The following KLF9 variants were observed in gnomAD, a reference collection of about 807,000 sequenced individuals.
KLF9 encodes KLF transcription factor 9.
KLF9 carries 2 observed loss-of-function variants against 17.3 expected under a neutral mutation model. The ratio of observed to expected loss-of-function variants is 0.12; its 90% CI spans 0.05 to 0.36. KLF9 has a LOEUF of 0.36. KLF9 is among the 10% of genes least tolerant of loss of function. The pLI, the probability that KLF9 is intolerant of heterozygous loss-of-function variation, is 1.00. For missense variants in KLF9, 226 were observed against 333.2 expected, an observed-to-expected ratio of 0.68 and a Z score of 2.51; for synonymous variants, 138 against 139.2, an observed-to-expected ratio of 0.99 and a Z score of 0.06.
In KLF9 at chr9:70,413,542, C is replaced by T; in HGVS notation, c.-179G>A. 1 of 504,770 alleles carries T rather than the reference C, an allele frequency of 2.0e-6. No homozygotes were observed. The highest frequency in any genetic ancestry group is 2.9e-6 in the Non-Finnish European group (1 of 346,636). 31.3% of individuals were successfully genotyped at this position (504,770 alleles called of 1,614,324 possible). On this transcript the variant is annotated 5_prime_UTR_variant, in exon 1 of 2. Transcript: ENST00000377126. The surrounding 1 kb of genome is among the most constrained non-coding windows in gnomAD (Gnocchi z 5.6). ...CAGGAGCGCCGAGGCGACCTCAGCC[C>T]CTCATCTTTACGTAACCGGCAGCGC... is the stretch of plus-strand genomic sequence containing the variant.
rs142935882 is a variant in KLF9 at position 70,404,601 on chromosome 9, T to C, written c.505+8258A>G. Among the ~76,000 whole-genome samples the C allele has an allele frequency of 5.7e-3, 861 of 151,996 alleles. 2 individuals carry two copies. The highest frequency in any genetic ancestry group is 9.0e-3 in the Non-Finnish European group (612 of 67,988). ...GCCTCGGTGACAGAGTGAGACTCAGTCTCAAAATCATAATAATAATAATAA... is the reference window on the plus strand; with the variant it reads ...GCCTCGGTGACAGAGTGAGACTCAGCCTCAAAATCATAATAATAATAATAA... On this transcript the variant is annotated intron_variant, in intron 1 of 1. Transcript: ENST00000377126.
In KLF9 at chr9:70,414,233, C is replaced by G. The variant is rs1272540317; in HGVS notation, c.-870G>C. 6.6e-6 allele frequency: 1 copy of G among 152,270 alleles called. No homozygotes were observed. The highest frequency in any genetic ancestry group is 2.4e-5 in the African/African-American group (1 of 41,460). 9.4% of individuals were successfully genotyped at this position (152,270 alleles called of 1,614,324 possible). A position where few individuals can be genotyped will look rare whatever the true frequency, so the allele number is the denominator to read the frequency against. On this transcript the variant is annotated 5_prime_UTR_variant, in exon 1 of 2. Transcript: ENST00000377126. ...TTCGGAGTGCCTCGCGGTCCCGTGG[C>G]CGGTCCGGGCCTCCTGGCTCACGTT... is the stretch of plus-strand genomic sequence containing the variant.
At position 70,386,671 on chromosome 9, in the gene KLF9, C is replaced by G. The variant is rs1488079535; in HGVS notation, c.*1105G>C. ...ATGCACACATTCAAATAAAACCCAA[C>G]AGAGTCAAAAGCTCTCTCCCCTAGT... On this transcript the variant is annotated 3_prime_UTR_variant, in exon 2 of 2. Transcript: ENST00000377126. 3 of 152,592 alleles carry G rather than the reference C, an allele frequency of 2.0e-5. No individual in the cohort carries two copies. The highest frequency in any genetic ancestry group is 4.4e-5 in the Non-Finnish European group (3 of 68,044). 9.5% of individuals were successfully genotyped at this position (152,592 alleles called of 1,614,324 possible). A position where few individuals can be genotyped will look rare whatever the true frequency, so the allele number is the denominator to read the frequency against.
intron 1 of KLF9, among the ~76,000 whole-genome samples, chr9:70,399,147 G>A (rs1246680855): frequency 6.6e-6 from 1 of 152,274 alleles, no homozygotes; most frequent in East Asian, 1.9e-4. Context: ...GAGCTGTCTT[G>A]AAGTCTCAGT....
chr9:70,392,537 T>G (rs1386991289), intron 1 of KLF9, among the ~76,000 whole-genome samples: 1 of 152,186 alleles, frequency 6.6e-6, no homozygotes, highest in East Asian at 1.9e-4. Flanking sequence ...GCATATAAGT[T>G]AATGACAGTC....
intron 1 of KLF9, among the ~76,000 whole-genome samples, chr9:70,410,944 A>G (rs1456414768): frequency 1.3e-5 from 2 of 152,158 alleles, no homozygotes; most frequent in Non-Finnish European, 2.9e-5. Context: ...TGCAATCACC[A>G]CATCCCTAGG....
In KLF9 at chr9:70,387,956, G is replaced by C; in HGVS notation, c.555C>G (p.Ser185=). 1.2e-6 allele frequency: 2 copies of C among 1,614,030 alleles called. No homozygotes were observed. The highest frequency in any genetic ancestry group is 1.7e-6 in the Non-Finnish European group (2 of 1,180,022). Residue 185 remains serine, a synonymous_variant, in exon 2 of 2, where the codon TCC becomes TCG. Coordinates refer to ENST00000377126, the MANE Select transcript of KLF9 (RefSeq NM_001206.4). ...AGTGGCGGGTCAGCTCGTCTGAGCGGGAGAACTTTTTAAGGCAGTCTGGCC... is the reference window on the plus strand; with the variant it reads ...AGTGGCGGGTCAGCTCGTCTGAGCGCGAGAACTTTTTAAGGCAGTCTGGCC... ...CTWPDCLKKF[S]RSDELTRHYR...
rs1017269900 is a variant in KLF9 at position 70,385,211 on chromosome 9, T to C, written c.*2565A>G. ...AATATAAAAAGTAATTGTTTCATAG[T>C]TTTAGTGTTCAATGAACTCTAGTAG... On this transcript the variant is annotated 3_prime_UTR_variant, in exon 2 of 2. Coordinates refer to ENST00000377126, the MANE Select transcript of KLF9 (RefSeq NM_001206.4). The C allele has an allele frequency of 6.6e-6, 1 of 152,660 alleles. No homozygotes were observed. The highest frequency in any genetic ancestry group is 2.4e-5 in the African/African-American group (1 of 41,468). 9.5% of individuals were successfully genotyped at this position (152,660 alleles called of 1,614,324 possible). A position where few individuals can be genotyped will look rare whatever the true frequency, so the allele number is the denominator to read the frequency against.
intron 1 of KLF9, among the ~76,000 whole-genome samples, chr9:70,410,051 G>A (rs1283331624): frequency 6.6e-6 from 1 of 152,182 alleles, no homozygotes; most frequent in East Asian, 1.9e-4. Context: ...CTACCTTGTG[G>A]ATTAAGAAAG....
chr9:70,396,688 A>G (rs924333783), intron 1 of KLF9, among the ~76,000 whole-genome samples: 2 of 152,350 alleles, frequency 1.3e-5, no homozygotes, highest in African/African-American at 4.8e-5. Flanking sequence ...AACAATTACT[A>G]TCTACCAGTG....
At position 70,412,094 on chromosome 9, in the gene KLF9, A is replaced by G. The variant is rs559398953; in HGVS notation, c.505+765T>C. On this transcript the variant is annotated intron_variant, in intron 1 of 1. Coordinates refer to ENST00000377126, the MANE Select transcript of KLF9 (RefSeq NM_001206.4). The stretch of plus-strand genomic sequence containing the variant: ...TCCCTGAGGCCTCCAGAACCGCCCA[A>G]CATTCATTACCAAGCCTTGACCTCC... Among the ~76,000 whole-genome samples, 60 of 146,866 alleles carry G rather than the reference A, an allele frequency of 4.1e-4. No individual in the cohort carries two copies. In the South Asian group the frequency reaches 0.012, roughly 30 times the overall value.
At chr9:70,401,299 A>G (rs529669066) in intron 1 of KLF9, among the ~76,000 whole-genome samples, 1 of 152,168 alleles carries the variant, frequency 6.6e-6, no homozygotes, top group Admixed American at 6.5e-5. Context: ...ATAAGCCGTG[A>G]TTGCACCACT....
intron 1 of KLF9, among the ~76,000 whole-genome samples, chr9:70,390,583 G>A (rs1172127383): frequency 6.6e-6 from 1 of 151,968 alleles, no homozygotes; most frequent in East Asian, 1.9e-4. Flanking sequence ...TGTCATGTAT[G>A]ACTTTTGTCC....
intron 1 of KLF9, among the ~76,000 whole-genome samples, chr9:70,394,402 A>C (rs2037170443): frequency 6.6e-6 from 1 of 152,168 alleles, no homozygotes; most frequent in South Asian, 2.1e-4. Flanking sequence ...TCCCTAATAA[A>C]AGCTTTCAGG....
chr9:70,401,487 ACCAT>A (rs2037220949), intron 1 of KLF9, among the ~76,000 whole-genome samples: 1 of 151,996 alleles, frequency 6.6e-6, no homozygotes, highest in African/African-American at 2.4e-5. Context: ...GAAGTTCGAG[ACCAT>A]CCTGGCCAAC....
rs367637549 is a variant in KLF9, at chr9:70,412,970, C to A, written c.394G>T (p.Ala132Ser). 3.7e-6 allele frequency: 6 copies of A among 1,614,188 alleles called. No homozygotes were observed. The highest frequency in any genetic ancestry group is 5.1e-6 in the Non-Finnish European group (6 of 1,180,042). ...TCGGAGGCGTGTTTCCCCTTCGCAG[C>A]CACTCCAGGATGGAGGAGGGAGAGC... ...SPLSLLHPGVAAKGKHASEKR... is the reference protein window; with the variant it reads ...SPLSLLHPGVSAKGKHASEKR... Residue 132 changes from alanine (A) to serine (S), a missense_variant, in exon 1 of 2, where the codon GCT (alanine) becomes TCT (serine). Transcript: ENST00000377126.
At chr9:70,412,798 C>A in intron 1 of KLF9, 61 bp downstream of exon 1, 1 of 1,495,414 alleles carries the variant, frequency 6.7e-7, no homozygotes, top group South Asian at 1.3e-5. Flanking sequence ...CGCCCAGGAA[C>A]GCTGCCTGGC....
At chr9:70,407,499 G>A (rs141423595) in intron 1 of KLF9, among the ~76,000 whole-genome samples, 1 of 152,332 alleles carries the variant, frequency 6.6e-6, no homozygotes, top group African/African-American at 2.4e-5. Context: ...TGCGTACTCT[G>A]TAATTTGACT....
At position 70,413,941 on chromosome 9, in the gene KLF9, A is replaced by G. The variant is rs1281034633; in HGVS notation, c.-578T>C. 1 of 152,670 alleles carries G rather than the reference A, an allele frequency of 6.6e-6. No individual in the cohort carries two copies. Among genetic ancestry groups the G allele is most frequent in the Non-Finnish European group, 1.5e-5 (1 of 68,108 alleles). 9.5% of individuals were successfully genotyped at this position (152,670 alleles called of 1,614,324 possible). A position where few individuals can be genotyped will look rare whatever the true frequency, so the allele number is the denominator to read the frequency against. On this transcript the variant is annotated 5_prime_UTR_variant, in exon 1 of 2. An upstream start codon of the reference 5' UTR is lost. Coordinates refer to ENST00000377126, the MANE Select transcript of KLF9 (RefSeq NM_001206.4). This position sits in a 1 kb window ranked among gnomAD's most constrained non-coding sequence, Gnocchi z 5.6. ...TCCGGCCGGTCCGCACCGTTCCGGCATTCTCTTGCTCAGTAACAATTTCGC... is the reference window on the plus strand; with the variant it reads ...TCCGGCCGGTCCGCACCGTTCCGGCGTTCTCTTGCTCAGTAACAATTTCGC...
Sources: gnomAD v4.1 joint callset for allele counts (sites outside exome capture counted in the v4.1 genomes callset) on GRCh38, gnomAD v4.1.1 for gene constraint, Gnocchi (gnomAD v3.1) non-coding constraint, MANE v1.5 for transcripts, NCBI Gene and HGNC (gene_info 2026-07-23, HGNC 2026-07-21) for gene names.